The following SDK1 variants were observed in gnomAD, a reference collection of about 807,000 sequenced individuals.
The protein encoded by SDK1 is sidekick cell adhesion molecule 1, also known as protein sidekick-1.
Under a neutral mutation model 245.5 loss-of-function variants are expected in SDK1, and 157 were observed. The ratio of observed to expected loss-of-function variants is 0.64; its 90% CI spans 0.56 to 0.73. The LOEUF (loss-of-function observed/expected upper bound fraction) is 0.73. SDK1 is among the 30% of genes least tolerant of loss of function. The pLI is 0.00. For missense variants in SDK1, 3,583 were observed against 3,002.3 expected, an observed-to-expected ratio of 1.19 and a Z score of -4.52; for synonymous variants, 1,647 against 1,278.5, an observed-to-expected ratio of 1.29 and a Z score of -6.15.
chr7:3,455,699 G>C (rs886513031), intron 1 of SDK1, among the ~76,000 whole-genome samples: 1 of 152,082 alleles, frequency 6.6e-6, no homozygotes, highest in African/African-American at 2.4e-5. Flanking sequence ...GTAGGCCTTA[G>C]TATTGGATAG....
chr7:3,402,531 C>G (rs1018257421), intron 1 of SDK1, among the ~76,000 whole-genome samples: 1 of 152,114 alleles, frequency 6.6e-6, no homozygotes, highest in African/African-American at 2.4e-5. Flanking sequence ...GCTGTGACAA[C>G]AATGCTTTAA....
intron 35 of SDK1, among the ~76,000 whole-genome samples, chr7:4,188,481 C>T (rs1241045080): frequency 6.6e-6 from 1 of 151,980 alleles, no homozygotes; most frequent in Non-Finnish European, 1.5e-5. Context: ...CTTAGAGCTT[C>T]TTATATATTA....
chr7:3,351,802 A>T (rs77035258), intron 1 of SDK1, among the ~76,000 whole-genome samples: 1 of 152,174 alleles, frequency 6.6e-6, no homozygotes, highest in Admixed American at 6.5e-5. Context: ...TGGGAAGTTA[A>T]CATACCTTTC....
rs1783021097 is a variant in SDK1 at position 3,977,331 on chromosome 7, TCCTCC to T, written c.1994+2787_1994+2791del. Among the ~76,000 whole-genome samples the T allele has an allele frequency of 5.9e-5, 2 of 34,146 alleles. 1 individual carries two copies. Among genetic ancestry groups the T allele is most frequent in the African/African-American group, 3.2e-4 (2 of 6,242 alleles). 22.4% of individuals were successfully genotyped at this position (34,146 alleles called of 152,430 possible). A position where few individuals can be genotyped will look rare whatever the true frequency, so the allele number is the denominator to read the frequency against. On this transcript the variant is annotated intron_variant, in intron 13 of 44. Transcript: ENST00000404826. The stretch of plus-strand genomic sequence containing the variant: ...GGGGCTGAGGCTGCCACGCAGAGGG[TCCTCC>T]AGAGAATCACTGAGGGTCCCGGGGC...
intron 1 of SDK1, among the ~76,000 whole-genome samples, chr7:3,613,155 A>T (rs572230354): frequency 8.9e-4 from 135 of 152,264 alleles, no homozygotes; most frequent in African/African-American, 3.2e-3. Context: ...ACTTAATTTT[A>T]GCTGTTGTGG....
chr7:3,397,487 C>A lies in SDK1; in HGVS notation c.298+95603C>A, dbSNP rs376631440. On this transcript the variant is annotated intron_variant, in intron 1 of 44. Transcript: ENST00000404826. ...GGTTCGTAGTCTTTTCTTTCCCCCC[C>A]CCAGCGCTTTGAATATGTCACATCA... Among the ~76,000 whole-genome samples the A allele has an allele frequency of 7.7e-3, 1,165 of 151,636 alleles. 15 individuals carry two copies. The highest frequency in any genetic ancestry group is 0.027 in the African/African-American group (1,132 of 41,398).
chr7:3,522,680 G>A (rs1350658035), intron 1 of SDK1, among the ~76,000 whole-genome samples: 3 of 152,044 alleles, frequency 2.0e-5, no homozygotes, highest in African/African-American at 7.2e-5. Context: ...CAGAGGCTGG[G>A]GGGATAGTTG....
At chr7:4,233,111 C>G (rs1486000148) in intron 40 of SDK1, 144 bp from the exon 41 acceptor site, 5 of 680,766 alleles carry the variant, frequency 7.3e-6, no homozygotes, top group Non-Finnish European at 1.2e-5. Flanking sequence ...GACTCCGTCC[C>G]CATTCAGCAC....
At position 3,952,538 on chromosome 7, in the gene SDK1, G is replaced by T. The variant is rs531267886; in HGVS notation, c.1150+618G>T. Among the ~76,000 whole-genome samples, 27 of 152,050 alleles carry T rather than the reference G, an allele frequency of 1.8e-4. No individual in the cohort carries two copies. In the East Asian group the frequency reaches 3.1e-3, roughly 17 times the overall value. ...GCAGAGGTTGCAGTGAGCCAAGATC[G>T]CATCATTGCAACCCAATCTGGGCCA... On this transcript the variant is annotated intron_variant, in intron 7 of 44. Transcript: ENST00000404826.
chr7:3,615,210 G>A (rs997185175), intron 1 of SDK1, among the ~76,000 whole-genome samples: 2 of 151,610 alleles, frequency 1.3e-5, no homozygotes, highest in African/African-American at 2.4e-5. Context: ...GTTAAACAGA[G>A]TGCAAATGGC....
chr7:3,832,140 T>G (rs777254937), intron 5 of SDK1, among the ~76,000 whole-genome samples: 2 of 152,218 alleles, frequency 1.3e-5, no homozygotes, highest in Admixed American at 1.3e-4. Flanking sequence ...TATCCCCTTT[T>G]TGCAGATGAG....
chr7:4,173,259 C>G (rs996864625), intron 32 of SDK1, among the ~76,000 whole-genome samples: 3 of 152,228 alleles, frequency 2.0e-5, no homozygotes, highest in Non-Finnish European at 4.4e-5. Flanking sequence ...TGCTCGGAGG[C>G]TCAGCACCCA....
intron 27 of SDK1, among the ~76,000 whole-genome samples, chr7:4,131,023 C>T (rs73671558): frequency 0.062 from 9,494 of 152,222 alleles, 807 homozygotes; most frequent in African/African-American, 0.19. Context: ...GGGAACCCTG[C>T]AGAAGGCTTT....
At chr7:3,964,400 C>T (rs1429048718) in intron 9 of SDK1, among the ~76,000 whole-genome samples, 1 of 152,208 alleles carries the variant, frequency 6.6e-6, no homozygotes. Context: ...ATTTTCTGGG[C>T]AGAATTGGAA....
chr7:3,635,233 T>G (rs1782420053), intron 2 of SDK1, among the ~76,000 whole-genome samples: 1 of 152,222 alleles, frequency 6.6e-6, no homozygotes, highest in Non-Finnish European at 1.5e-5. Flanking sequence ...CCATTCCACA[T>G]AAAAGAATAA....
chr7:4,228,349 C>A, intron 40 of SDK1, among the ~76,000 whole-genome samples: 1 of 152,196 alleles, frequency 6.6e-6, no homozygotes, highest in East Asian at 1.9e-4. Flanking sequence ...GTCACATCAC[C>A]ATGAGGGCAC....
At chr7:4,143,553 G>A (rs1162621061) in intron 28 of SDK1, among the ~76,000 whole-genome samples, 1 of 152,176 alleles carries the variant, frequency 6.6e-6, no homozygotes. Flanking sequence ...GTCACACAGT[G>A]AATGATTGGC....
chr7:4,114,070 G>T lies in SDK1; in HGVS notation c.3619G>T (p.Glu1207Ter). ...LPDSQYNGNP[E>*]SVGYRIKYWR... is the part of the protein sequence containing the mutation. ...GGATTCTCAGTACAACGGGAACCCC[G>T]AGTCCGTGGGCTACAGGATTAAGTA... Residue 1207 changes from glutamate (E) to a stop codon, truncating the protein, a stop_gained, in exon 25 of 45, where the codon GAG becomes TAG. Transcript: ENST00000404826. LOFTEE classifies it high-confidence loss of function. 6.2e-7 allele frequency: 1 copy of T among 1,614,208 alleles called. No individual in the cohort carries two copies. Among genetic ancestry groups the T allele is most frequent in the Non-Finnish European group, 8.5e-7 (1 of 1,180,032 alleles).
At position 3,554,760 on chromosome 7, in the gene SDK1, A is replaced by G. The variant is rs571329856; in HGVS notation, c.299-64320A>G. On this transcript the variant is annotated intron_variant, in intron 1 of 44. Transcript: ENST00000404826. ...TATAGTTGCTGAATACAAAATTAAC[A>G]TCCAAAAAGGAGTAGTATTTGTCTA... Among the ~76,000 whole-genome samples, 26 of 152,324 alleles carry G rather than the reference A, an allele frequency of 1.7e-4. No homozygotes were observed. The South Asian group carries it at 5.2e-3, about 30-fold the overall frequency.
Sources: allele counts gnomAD v4.1 joint callset (sites outside exome capture counted in the v4.1 genomes callset), GRCh38; gene constraint gnomAD v4.1.1; transcripts MANE v1.5; gene names NCBI Gene and HGNC (gene_info 2026-07-23, HGNC 2026-07-21).